Variants in PPP2R3A observed in about 807,000 individuals in gnomAD.
PPP2R3A encodes serine/threonine-protein phosphatase 2A regulatory subunit B'' subunit alpha.
Under a neutral mutation model 106.9 loss-of-function variants are expected in PPP2R3A, and 80 were observed. The observed-to-expected ratio is 0.75, with a 90% CI of 0.62 to 0.90. The LOEUF is 0.90. Among genes scored for constraint, PPP2R3A ranks in the 40% least tolerant of loss-of-function variants. The probability of loss-of-function intolerance (pLI) is 0.00; values close to 1 mark genes in which losing one functional copy is unlikely to be tolerated. For synonymous variants in PPP2R3A, 483 were observed against 468.3 expected, an observed-to-expected ratio of 1.03 and a Z score of -0.41; for missense variants, 1,386 against 1,350.4, an observed-to-expected ratio of 1.03 and a Z score of -0.41.
At chr3:136,080,954 T>C (rs1050143554) in intron 7 of PPP2R3A, among the ~76,000 whole-genome samples, 2 of 152,158 alleles carry the variant, frequency 1.3e-5, no homozygotes, top group Non-Finnish European at 2.9e-5. Flanking sequence ...CTAACATTTG[T>C]GTTATGAAAT....
rs573427774 is a variant in PPP2R3A, at chr3:135,974,741, C to T, written c.-441+8892C>T. Among the ~76,000 whole-genome samples the T allele has an allele frequency of 3.3e-5, 5 of 152,334 alleles. No individual in the cohort carries two copies. The East Asian group carries it at 9.6e-4, about 29-fold the overall frequency. ...TCCCACCCCAACCCCCTAGACTGAG[C>T]ACTAAGGCTATCCCCTTCCTCTTGT... On this transcript the variant is annotated intron_variant, in intron 1 of 13. Coordinates refer to ENST00000264977, the MANE Select transcript of PPP2R3A (RefSeq NM_002718.5).
At chr3:136,086,894 T>C (rs1274021581) in intron 8 of PPP2R3A, among the ~76,000 whole-genome samples, 2 of 152,078 alleles carry the variant, frequency 1.3e-5, no homozygotes, top group Non-Finnish European at 2.9e-5. Context: ...GTGCATGCCA[T>C]TGCCTGGGGC....
chr3:136,142,331 C>CACAG (rs1178496134), intron 13 of PPP2R3A, among the ~76,000 whole-genome samples: 13 of 152,174 alleles, frequency 8.5e-5, no homozygotes, highest in Admixed American at 2.6e-4. Flanking sequence ...ACAGTCAAGA[C>CACAG]ACAGACATGT....
intron 13 of PPP2R3A, among the ~76,000 whole-genome samples, chr3:136,116,433 A>G (rs1023154079): frequency 6.6e-6 from 1 of 152,244 alleles, no homozygotes; most frequent in African/African-American, 2.4e-5. Context: ...CCCCAGTTAA[A>G]AGACACAGAC....
At chr3:135,984,105 T>G (rs1362815112) in intron 1 of PPP2R3A, among the ~76,000 whole-genome samples, 5 of 152,154 alleles carry the variant, frequency 3.3e-5, no homozygotes, top group Non-Finnish European at 7.4e-5. Flanking sequence ...CCCTCCCTCC[T>G]TCCCCTTCTA....
intron 5 of PPP2R3A, among the ~76,000 whole-genome samples, chr3:136,060,452 G>C (rs182878982): frequency 3.9e-5 from 6 of 152,254 alleles, no homozygotes; most frequent in African/African-American, 1.4e-4. Context: ...TGGATTATGG[G>C]GGTGGTTTCT....
intron 8 of PPP2R3A, among the ~76,000 whole-genome samples, chr3:136,086,543 G>A (rs931072769): frequency 6.6e-6 from 1 of 152,070 alleles, no homozygotes. Context: ...AGAATAACAT[G>A]ATCTTCAATT....
intron 5 of PPP2R3A, among the ~76,000 whole-genome samples, chr3:136,068,744 A>G (rs6439624): frequency 0.31 from 46,727 of 151,084 alleles, 7,437 homozygotes; most frequent in African/African-American, 0.4. Flanking sequence ...CATGATATTT[A>G]TCTATTATTA....
At chr3:136,124,470 T>G (rs1278468917) in intron 13 of PPP2R3A, among the ~76,000 whole-genome samples, 2 of 152,074 alleles carry the variant, frequency 1.3e-5, no homozygotes, top group African/African-American at 4.8e-5. Context: ...AGTGACAAAC[T>G]GAGACCTTGT....
chr3:135,979,184 G>A (rs888553473), intron 1 of PPP2R3A, among the ~76,000 whole-genome samples: 4 of 151,614 alleles, frequency 2.6e-5, no homozygotes, highest in Non-Finnish European at 5.9e-5. Flanking sequence ...TTCAAGACCA[G>A]CCTGGCCAAC....
chr3:136,016,491 G>C lies in PPP2R3A; in HGVS notation c.1996-10341G>C, dbSNP rs185389938. On this transcript the variant is annotated intron_variant, in intron 2 of 13. Coordinates refer to ENST00000264977, the MANE Select transcript of PPP2R3A (RefSeq NM_002718.5). ...CTAGTAGTAATTGTTTTATAAATTT[G>C]GGAGCTCCAGTGTCAGGTGCATATA... Among the ~76,000 whole-genome samples the C allele has an allele frequency of 2.7e-3, 404 of 152,156 alleles. 1 individual carries two copies. The highest frequency in any genetic ancestry group is 9.3e-3 in the African/African-American group (387 of 41,520).
Position 136,140,449 on chromosome 3 carries a change from A to AC in PPP2R3A, c.3330-4594_3330-4593insC, listed in dbSNP as rs1388910190. On this transcript the variant is annotated intron_variant, in intron 13 of 13. Coordinates refer to ENST00000264977, the MANE Select transcript of PPP2R3A (RefSeq NM_002718.5). Reference sequence around the variant, plus strand: ...TGACAGAGTGAGACTCTTTAAAAAAAAAAAAAAAAAAAAAACCCGGGCTCA... The same window carrying AC: ...TGACAGAGTGAGACTCTTTAAAAAAACAAAAAAAAAAAAAAACCCGGGCTCA... Among the ~76,000 whole-genome samples, 1,029 of 149,446 alleles carry AC rather than the reference A, an allele frequency of 6.9e-3. 21 individuals carry two copies. The highest frequency in any genetic ancestry group is 0.023 in the African/African-American group (926 of 40,158).
At chr3:136,110,302 C>T (rs915910845) in intron 13 of PPP2R3A, among the ~76,000 whole-genome samples, 5 of 151,906 alleles carry the variant, frequency 3.3e-5, no homozygotes, top group Admixed American at 6.6e-5. Flanking sequence ...CAGAACAAGA[C>T]ATCAAAATGA....
At chr3:136,122,626 G>A (rs929354483) in intron 13 of PPP2R3A, among the ~76,000 whole-genome samples, 14 of 152,094 alleles carry the variant, frequency 9.2e-5, no homozygotes, top group South Asian at 2.1e-4. Context: ...ACACTTCTAC[G>A]TAAACAACAA....
intron 4 of PPP2R3A, among the ~76,000 whole-genome samples, chr3:136,044,995 C>A (rs1252408514): frequency 6.6e-6 from 1 of 152,200 alleles, no homozygotes; most frequent in Non-Finnish European, 1.5e-5. Flanking sequence ...CAACAAAACA[C>A]AACCATAGGC....
At chr3:136,070,307 A>G (rs1054833341) in intron 5 of PPP2R3A, among the ~76,000 whole-genome samples, 171 bp from the exon 6 acceptor site, 3 of 152,278 alleles carry the variant, frequency 2.0e-5, no homozygotes, top group Non-Finnish European at 4.4e-5. Flanking sequence ...AAAAGCACAC[A>G]TAAGTATGCT....
rs556415413 is a variant in PPP2R3A at position 136,055,412 on chromosome 3, C to G, written c.2469+6051C>G. ...TCTGACCCTCTTATCCCCTGTTGCTCTCCGAGGTGCCATAATGCAAATGCT... is the reference window on the plus strand; with the variant it reads ...TCTGACCCTCTTATCCCCTGTTGCTGTCCGAGGTGCCATAATGCAAATGCT... On this transcript the variant is annotated intron_variant, in intron 5 of 13. Coordinates refer to ENST00000264977, the MANE Select transcript of PPP2R3A (RefSeq NM_002718.5). 7.7e-4 allele frequency: 778 copies of G among 1,012,900 alleles called. 10 individuals are homozygous for G. Among genetic ancestry groups the G allele is most frequent in the South Asian group, 6.4e-3 (503 of 78,960 alleles). The allele number at this position is 1,012,900 out of a possible 1,614,324, so 62.7% of individuals were successfully genotyped here.
At position 136,145,119 on chromosome 3, in the gene PPP2R3A, A is replaced by C; in HGVS notation, c.3406A>C (p.Ser1136Arg). ...CAAAAGCAATAAAATATTAAGTGCA[A>C]GCCTTCCAGAGAAATGTGGAAAGCT... ...GNKSNKILSA[S>R]LPEKCGKLQS... Residue 1136 changes from serine to arginine, a missense_variant, in exon 14 of 14, where the codon AGC (serine) becomes CGC (arginine). By Grantham distance (110) the Ser-to-Arg change is moderately radical. Coordinates refer to ENST00000264977, the MANE Select transcript of PPP2R3A (RefSeq NM_002718.5). The C allele has an allele frequency of 1.2e-6, 2 of 1,613,830 alleles. No homozygotes were observed.
chr3:136,052,570 A>G (rs1336195474), intron 5 of PPP2R3A, among the ~76,000 whole-genome samples: 2 of 152,178 alleles, frequency 1.3e-5, no homozygotes, highest in Non-Finnish European at 2.9e-5. Context: ...AAAGCTTCAT[A>G]CAGTGAATTC....
Sources: gnomAD v4.1 joint callset for allele counts (sites outside exome capture counted in the v4.1 genomes callset) on GRCh38, gnomAD v4.1.1 for gene constraint, MANE v1.5 for transcripts, NCBI Gene and HGNC (gene_info 2026-07-23, HGNC 2026-07-21) for gene names.